COX6B2: variants seen among roughly 807,000 people sequenced by gnomAD.
COX6B2 encodes the protein cytochrome c oxidase subunit 6B2.
COX6B2 carries 12 observed loss-of-function variants against 13.7 expected under a neutral mutation model. That is an observed-to-expected ratio of 0.87 (90% CI 0.56 to 1.41). The LOEUF (loss-of-function observed/expected upper bound fraction) is 1.41. Among genes scored for constraint, COX6B2 ranks in the 40% most tolerant of loss-of-function variants. COX6B2 has a pLI of 0.00. For missense variants in COX6B2, 130 were observed against 118.3 expected, an observed-to-expected ratio of 1.10 and a Z score of -0.46; for synonymous variants, 56 against 46.6, an observed-to-expected ratio of 1.20 and a Z score of -0.82.
Position 55,353,807 on chromosome 19 carries a change from G to A in COX6B2, c.214-33C>T, listed in dbSNP as rs753591686. ...GCAGAAAGGCAGGGAGCGGGACGCC[G>A]GCTCAGCCTCGGCCGAGCCCTGCAC... On this transcript the variant is annotated intron_variant, in intron 3 of 4. Coordinates refer to ENST00000326529, the MANE Select transcript of COX6B2 (RefSeq NM_144613.5). 8.8e-6 allele frequency: 14 copies of A among 1,596,510 alleles called. No homozygotes were observed. The South Asian group carries it at 1.2e-4, about 14-fold the overall frequency.
At position 55,353,958 on chromosome 19, in the gene COX6B2, G is replaced by T; in HGVS notation, c.121C>A (p.Arg41Ser). ...NCYQNFLDYH[R>S]CLKTRTRRGK... ...CGGCGGGTCCTGGTCTTGAGGCAGC[G>T]GTGGTAGTCTGTGGCGGGCGGGGGT... Residue 41 changes from arginine to serine, a missense_variant, in exon 3 of 5, where the codon CGC becomes AGC. Physicochemically the swap from Arg to Ser is moderately radical, Grantham distance 110. Coordinates refer to ENST00000326529, the MANE Select transcript of COX6B2 (RefSeq NM_144613.5). 2 of 1,550,496 alleles carry T rather than the reference G, an allele frequency of 1.3e-6. No individual in the cohort carries two copies. The highest frequency in any genetic ancestry group is 1.4e-5 in the African/African-American group (1 of 73,292).
chr19:55,354,705 C>T lies in COX6B2; in HGVS notation c.-74G>A. On this transcript the variant is annotated 5_prime_UTR_variant, in exon 1 of 5. Transcript: ENST00000326529. ...TGTGGGATGGTCCCGGGGTGCCGCTCGCTTCTGAGTCCGCGGGGTGCGGTC... is the reference window on the plus strand; with the variant it reads ...TGTGGGATGGTCCCGGGGTGCCGCTTGCTTCTGAGTCCGCGGGGTGCGGTC... The T allele has an allele frequency of 1.8e-6, 1 of 564,174 alleles. No individual in the cohort carries two copies. Among genetic ancestry groups the T allele is most frequent in the Non-Finnish European group, 3.1e-6 (1 of 317,954 alleles). 34.9% of individuals were successfully genotyped at this position (564,174 alleles called of 1,614,324 possible).
chr19:55,353,570 G>A, intron 4 of COX6B2, 37 bp downstream of exon 4: 1 of 737,388 alleles, frequency 1.4e-6, no homozygotes, highest in Admixed American at 2.7e-5. Context: ...ACGCATCGCT[G>A]GCTGGGCATT....
chr19:55,353,812 A>C (rs1327112398), intron 3 of COX6B2, 38 bp from the exon 4 acceptor site: 2 of 1,594,308 alleles, frequency 1.3e-6, no homozygotes, highest in South Asian at 1.1e-5. Context: ...ACGCCGGCTC[A>C]GCCTCGGCCG....
Position 55,353,935 on chromosome 19 carries a change from G to A in COX6B2, c.144C>T (p.Arg48=), listed in dbSNP as rs757292951. The A allele has an allele frequency of 1.0e-5, 16 of 1,559,048 alleles. No homozygotes were observed. The African/African-American group carries it at 2.0e-4, about 20-fold the overall frequency. ...DYHRCLKTRT[R]RGKSTQPCEY... is the part of the protein sequence containing the mutation. The stretch of plus-strand genomic sequence containing the variant: ...CGCAGGGCTGCGTGCTCTTCCCGCG[G>A]CGGGTCCTGGTCTTGAGGCAGCGGT... The change falls in exon 3 of 5, where the codon CGC becomes CGT. Residue 48 remains arginine (R), a synonymous_variant. Transcript: ENST00000326529.
intron 2 of COX6B2, chr19:55,354,168 C>T: frequency 1.6e-6 from 1 of 631,504 alleles, no homozygotes; most frequent in Non-Finnish European, 2.8e-6. Context: ...CCCCTACCTA[C>T]CTCGCCCCGC....
intron 2 of COX6B2, 189 bp from the exon 3 acceptor site, chr19:55,354,155 C>T: frequency 1.5e-6 from 1 of 648,154 alleles, no homozygotes; most frequent in Non-Finnish European, 2.7e-6. Flanking sequence ...TACCCAGACC[C>T]TGCCCCTACC....
chr19:55,354,286 A>AC, intron 2 of COX6B2, 124 bp downstream of exon 2: 2 of 397,328 alleles, frequency 5.0e-6, no homozygotes, highest in Non-Finnish European at 3.9e-6. Context: ...CCCCGCCCCC[A>AC]CCAACCCGGC....
chr19:55,354,273 A>C (rs7248925), intron 2 of COX6B2, 137 bp downstream of exon 2: 116 of 666,376 alleles, frequency 1.7e-4, no homozygotes, highest in African/African-American at 5.3e-4. Flanking sequence ...TTTCTCGACC[A>C]GGCCCCGCCC....
In COX6B2 at chr19:55,353,678, A is replaced by G; in HGVS notation, c.*43T>C. 6.3e-7 allele frequency: 1 copy of G among 1,589,326 alleles called. No individual in the cohort carries two copies. Among genetic ancestry groups the G allele is most frequent in the Non-Finnish European group, 8.6e-7 (1 of 1,166,028 alleles). On this transcript the variant is annotated 3_prime_UTR_variant, in exon 4 of 5. Coordinates refer to ENST00000326529, the MANE Select transcript of COX6B2 (RefSeq NM_144613.5). ...ACCCGGGGCTCCGCGAGACAAAAAG[A>G]TGCAGGATCACTGCATCTTCAGAGG...
rs1278284429 is a variant in COX6B2 at position 55,350,823 on chromosome 19, GTTT to G, written c.*115-26_*115-24del. On this transcript the variant is annotated intron_variant, in intron 4 of 4. Coordinates refer to ENST00000326529, the MANE Select transcript of COX6B2 (RefSeq NM_144613.5). This position sits in a 1 kb window ranked among gnomAD's most constrained non-coding sequence, Gnocchi z 4.2. ...TGGCTGTAGGTGAAGGTGGAAAGAA[GTTT>G]AGTGAAACAGGAAATACAACCAGCA... 6.6e-6 allele frequency: 1 copy of G among 152,476 alleles called. No homozygotes were observed. The highest frequency in any genetic ancestry group is 2.4e-5 in the African/African-American group (1 of 41,460). The allele number at this position is 152,476 out of a possible 1,614,324, so 9.4% of individuals were successfully genotyped here.
At chr19:55,354,347 G>A in intron 2 of COX6B2, 63 bp downstream of exon 2, 1 of 1,273,238 alleles carries the variant, frequency 7.9e-7, no homozygotes. Context: ...GGGTGGGAGT[G>A]CCCCTCCCTG....
At chr19:55,351,164 A>G (rs1600272628) in intron 4 of COX6B2, among the ~76,000 whole-genome samples, 4 of 152,356 alleles carry the variant, frequency 2.6e-5, no homozygotes, top group African/African-American at 9.6e-5. Flanking sequence ...GAGGGGGGCC[A>G]GACACTGTTC....
chr19:55,353,352 C>T (rs2089682653), intron 4 of COX6B2: 3 of 376,416 alleles, frequency 8.0e-6, no homozygotes, highest in South Asian at 6.7e-5. Context: ...GAACTGGGGA[C>T]CCTGGGCTGG....
intron 4 of COX6B2, 30 bp downstream of exon 4, chr19:55,353,577 C>T (rs765159935): frequency 1.3e-6 from 1 of 765,524 alleles, no homozygotes; most frequent in Non-Finnish European, 2.1e-6. Context: ...GCTGGCTGGG[C>T]ATTAAGAAGA....
chr19:55,353,558 C>T (rs970858597), intron 4 of COX6B2, 49 bp downstream of exon 4: 31 of 698,804 alleles, frequency 4.4e-5, no homozygotes, highest in Admixed American at 8.1e-5. Flanking sequence ...ACCACCACCA[C>T]GACGCATCGC....
Position 55,352,934 on chromosome 19 carries a change from G to A in COX6B2, c.*114+673C>T, listed in dbSNP as rs2089679152. 6.6e-6 allele frequency: 1 copy of A among 152,600 alleles called. No individual in the cohort carries two copies. The highest frequency in any genetic ancestry group is 2.1e-4 in the South Asian group (1 of 4,860). 9.5% of individuals were successfully genotyped at this position (152,600 alleles called of 1,614,324 possible). A position where few individuals can be genotyped will look rare whatever the true frequency, so the allele number is the denominator to read the frequency against. ...GACTGACAGCGGCCTCTGCGGGGTG[G>A]GGGTGCGGGGTGAGCCTGATGCATT... is the stretch of plus-strand genomic sequence containing the variant. On this transcript the variant is annotated intron_variant, in intron 4 of 4. Coordinates refer to ENST00000326529, the MANE Select transcript of COX6B2 (RefSeq NM_144613.5). The surrounding 1 kb of genome is among the most constrained non-coding windows in gnomAD (Gnocchi z 6.2).
intron 2 of COX6B2, 200 bp downstream of exon 2, chr19:55,354,210 T>C: frequency 1.6e-6 from 1 of 616,700 alleles, no homozygotes; most frequent in Non-Finnish European, 2.8e-6. Context: ...ACCTTCCAGA[T>C]CAGGCCTCGC....
chr19:55,350,874 G>C lies in COX6B2; in HGVS notation c.*115-74C>G, dbSNP rs538730035. ...GCACTGACCTGGGTGTGTGGCACTAGAACTGCTCTCAGCCTTTGGCAGGCA... is the reference window on the plus strand; with the variant it reads ...GCACTGACCTGGGTGTGTGGCACTACAACTGCTCTCAGCCTTTGGCAGGCA... On this transcript the variant is annotated intron_variant, in intron 4 of 4. Coordinates refer to ENST00000326529, the MANE Select transcript of COX6B2 (RefSeq NM_144613.5). This position sits in a 1 kb window ranked among gnomAD's most constrained non-coding sequence, Gnocchi z 4.2. The C allele has an allele frequency of 1.3e-5, 2 of 152,454 alleles. No individual in the cohort carries two copies. Among genetic ancestry groups the C allele is most frequent in the Non-Finnish European group, 1.5e-5 (1 of 68,090 alleles). The allele number at this position is 152,454 out of a possible 1,614,324, so 9.4% of individuals were successfully genotyped here. A position where few individuals can be genotyped will look rare whatever the true frequency, so the allele number is the denominator to read the frequency against.
Sources: allele counts gnomAD v4.1 joint callset (sites outside exome capture counted in the v4.1 genomes callset), GRCh38; gene constraint gnomAD v4.1.1; non-coding constraint Gnocchi (gnomAD v3.1); transcripts MANE v1.5; gene names NCBI Gene and HGNC (gene_info 2026-07-23, HGNC 2026-07-21).